CCDC195: variants seen among roughly 807,000 people sequenced by gnomAD.
CCDC195 encodes the protein coiled-coil domain containing 195, also known as coiled-coil domain-containing protein 195.
At chr2:224,705,297 A>G (rs888967269) in intron 2 of CCDC195, among the ~76,000 whole-genome samples, 2 of 152,196 alleles carry the variant, frequency 1.3e-5, no homozygotes, top group Non-Finnish European at 2.9e-5. Context: ...TTCTAATTTT[A>G]ACTGTTTATA....
intron 1 of CCDC195, among the ~76,000 whole-genome samples, chr2:224,715,014 C>T (rs569972045): frequency 3.9e-5 from 6 of 152,112 alleles, no homozygotes; most frequent in African/African-American, 7.2e-5. Flanking sequence ...CTACAACCTC[C>T]GCCTCCCAGG....
At position 224,710,019 on chromosome 2, in the gene CCDC195, T is replaced by A. The variant is rs1689295281; in HGVS notation, c.436A>T (p.Asn146Tyr). The change falls in exon 2 of 3, where the codon AAT becomes TAT. Residue 146 changes from asparagine to tyrosine, a missense_variant. Transcript: ENST00000638102. Reference sequence around the variant, plus strand: ...GGAGAAGCTCTTTGGCTGGTCCTATTGCTGGTGAGAGAATCTGTGGCAAAC... The same window carrying A: ...GGAGAAGCTCTTTGGCTGGTCCTATAGCTGGTGAGAGAATCTGTGGCAAAC... 1.5e-5 allele frequency: 6 copies of A among 398,490 alleles called. No homozygotes were observed. In the Admixed American group the frequency reaches 2.6e-4, roughly 18 times the overall value. The allele number at this position is 398,490 out of a possible 1,614,324, so 24.7% of individuals were successfully genotyped here. A position where few individuals can be genotyped will look rare whatever the true frequency, so the allele number is the denominator to read the frequency against.
intron 2 of CCDC195, 138 bp downstream of exon 2, chr2:224,709,835 A>G (rs1228499186): frequency 7.1e-5 from 28 of 396,784 alleles, no homozygotes; most frequent in Non-Finnish European, 4.4e-6. Context: ...CAAAATTGAC[A>G]TAGGTAATAT....
At chr2:224,706,188 A>ATTTTTTTTTTTTTTT (rs1697238096) in intron 2 of CCDC195, among the ~76,000 whole-genome samples, 1 of 51,108 alleles carries the variant, frequency 2.0e-5, no homozygotes, top group Admixed American at 2.3e-4. Flanking sequence ...ATATTTTGTA[A>ATTTTTTTTTTTTTTT]CTTTTTTTTT....
intron 2 of CCDC195, among the ~76,000 whole-genome samples, chr2:224,708,612 T>C (rs1689259155): frequency 6.6e-6 from 1 of 152,232 alleles, no homozygotes; most frequent in South Asian, 2.1e-4. Context: ...ATAAAGCTGA[T>C]TCAACCTTTG....
At chr2:224,706,188 A>ATTTTT (rs1697238096) in intron 2 of CCDC195, among the ~76,000 whole-genome samples, 1 of 51,102 alleles carries the variant, frequency 2.0e-5, no homozygotes, top group Admixed American at 2.3e-4. Context: ...ATATTTTGTA[A>ATTTTT]CTTTTTTTTT....
chr2:224,706,168 T>C (rs189325308), intron 2 of CCDC195, among the ~76,000 whole-genome samples: 2 of 147,390 alleles, frequency 1.4e-5, no homozygotes, highest in Non-Finnish European at 3.0e-5. Flanking sequence ...TTACTTTGTA[T>C]ATTGCCTCTA....
chr2:224,711,716 T>C (rs564095481), intron 1 of CCDC195, among the ~76,000 whole-genome samples: 26 of 152,284 alleles, frequency 1.7e-4, no homozygotes, highest in African/African-American at 6.0e-4. Flanking sequence ...AGCACAATTA[T>C]TTTTTATTTA....
intron 1 of CCDC195, among the ~76,000 whole-genome samples, 167 bp downstream of exon 1, chr2:224,715,964 G>A (rs1689377813): frequency 6.6e-6 from 1 of 152,172 alleles, no homozygotes; most frequent in Non-Finnish European, 1.5e-5. Flanking sequence ...AGATGCTAAA[G>A]CCATTTTTGT....
intron 2 of CCDC195, among the ~76,000 whole-genome samples, chr2:224,708,626 C>G (rs1282572393): frequency 6.6e-6 from 1 of 152,188 alleles, no homozygotes; most frequent in Non-Finnish European, 1.5e-5. Context: ...ACCTTTGTAT[C>G]CCACATCCTG....
rs145550606 is a variant in CCDC195 at position 224,713,917 on chromosome 2, C to A, written c.235+2214G>T. 2.4e-3 allele frequency among the ~76,000 whole-genome samples: 368 copies of A among 151,448 alleles called. 1 individual carries two copies. Among genetic ancestry groups the A allele is most frequent in the African/African-American group, 8.6e-3 (356 of 41,252 alleles). On this transcript the variant is annotated intron_variant, in intron 1 of 2. Transcript: ENST00000638102. Reference sequence around the variant, plus strand: ...AATCCTCCCATCTCAGCCTCTCAAGCTCTCAAGTAGCTCAGTCTATAGATG... The same window carrying A: ...AATCCTCCCATCTCAGCCTCTCAAGATCTCAAGTAGCTCAGTCTATAGATG...
rs145481582 is a variant in CCDC195, at chr2:224,709,512, G to A, written c.482+461C>T. Among the ~76,000 whole-genome samples, 41 of 152,170 alleles carry A rather than the reference G, an allele frequency of 2.7e-4. 1 individual carries two copies. The highest frequency in any genetic ancestry group is 9.4e-4 in the African/African-American group (39 of 41,514). ...ATTTTTTAAAACAATTTCCCCTAACGCCCACTAAGGCACCTGCCTCCACCA... is the reference window on the plus strand; with the variant it reads ...ATTTTTTAAAACAATTTCCCCTAACACCCACTAAGGCACCTGCCTCCACCA... On this transcript the variant is annotated intron_variant, in intron 2 of 2. Coordinates refer to ENST00000638102, the Ensembl canonical transcript of CCDC195.
chr2:224,707,700 C>T (rs1267406080), intron 2 of CCDC195, among the ~76,000 whole-genome samples: 1 of 152,232 alleles, frequency 6.6e-6, no homozygotes, highest in African/African-American at 2.4e-5. Context: ...CGGTTTCCTG[C>T]TGTATCTGCA....
In CCDC195 at chr2:224,710,462, A is replaced by G. The variant is rs189476366; in HGVS notation, c.236-243T>C. 2.6e-3 allele frequency among the ~76,000 whole-genome samples: 394 copies of G among 152,280 alleles called. 2 individuals carry two copies. Among genetic ancestry groups the G allele is most frequent in the Non-Finnish European group, 2.1e-3 (144 of 68,024 alleles). ...TGGTGACCATCCTGGCCAATATGAA[A>G]CCCTGTATCTACTAAAAATACAGAA... is the stretch of plus-strand genomic sequence containing the variant. On this transcript the variant is annotated intron_variant, in intron 1 of 2. Coordinates refer to ENST00000638102, the Ensembl canonical transcript of CCDC195.
intron 2 of CCDC195, among the ~76,000 whole-genome samples, chr2:224,705,253 G>GT (rs1250614729): frequency 6.6e-6 from 1 of 152,068 alleles, no homozygotes; most frequent in Non-Finnish European, 1.5e-5. Flanking sequence ...AATGAATCTG[G>GT]TTTACCCTAT....
chr2:224,713,814 T>TG (rs1182275839), intron 1 of CCDC195, among the ~76,000 whole-genome samples: 3 of 150,918 alleles, frequency 2.0e-5, no homozygotes, highest in Non-Finnish European at 4.4e-5. Flanking sequence ...TTTTTTTTTT[T>TG]TTTTTTGAGA....
intron 1 of CCDC195, among the ~76,000 whole-genome samples, chr2:224,712,940 C>T (rs977215474): frequency 2.0e-5 from 3 of 152,034 alleles, no homozygotes; most frequent in Admixed American, 2.0e-4. Flanking sequence ...GCAATCTCAG[C>T]TCACTGCAAC....
At chr2:224,704,818 C>T (rs972994939) in intron 2 of CCDC195, among the ~76,000 whole-genome samples, 5 of 151,994 alleles carry the variant, frequency 3.3e-5, no homozygotes, top group Admixed American at 6.6e-5. Flanking sequence ...GACGAGTTTT[C>T]GCCATGTTGG....
chr2:224,704,414 T>C (rs964070073), intron 2 of CCDC195, among the ~76,000 whole-genome samples: 9 of 152,110 alleles, frequency 5.9e-5, no homozygotes, highest in African/African-American at 2.2e-4. Context: ...AAATATTACA[T>C]AGAATTTAGA....
Sources: gnomAD v4.1 joint callset for allele counts (sites outside exome capture counted in the v4.1 genomes callset) on GRCh38, gnomAD v4.1.1 for gene constraint, MANE v1.5 for transcripts, NCBI Gene and HGNC (gene_info 2026-07-23, HGNC 2026-07-21) for gene names.